IZUMO3: variants seen among roughly 807,000 people sequenced by gnomAD.
IZUMO3 encodes IZUMO family member 3.
A neutral mutation model predicts 28.4 loss-of-function variants in IZUMO3; 36 were observed. The observed-to-expected ratio is 1.27, with a 90% CI of 0.97 to 1.67. The LOEUF (loss-of-function observed/expected upper bound fraction) is 1.67, where lower values mean the gene tolerates loss of function less well. IZUMO3 is among the 40% of genes most tolerant of loss of function. The probability of loss-of-function intolerance (pLI) is 0.00; values close to 1 mark genes in which losing one functional copy is unlikely to be tolerated. For synonymous variants in IZUMO3, 126 were observed against 99.2 expected (o/e 1.27, Z -1.61); for missense variants, 387 against 278.5 (o/e 1.39, Z -2.77).
chr9:24,543,878 C>A (rs1819519607), intron 5 of IZUMO3, 124 bp from the exon 6 acceptor site: 3 of 672,720 alleles, frequency 4.5e-6, no homozygotes, highest in East Asian at 2.7e-5. Context: ...CATCACTGTT[C>A]CATGCTTATT....
Position 24,545,407 on chromosome 9 carries a change from A to T in IZUMO3, c.226+17T>A, listed in dbSNP as rs1257546444. On this transcript the variant is annotated intron_variant, in intron 1 of 6. Coordinates refer to ENST00000543880, the MANE Select transcript of IZUMO3 (RefSeq NM_001365008.2). ...CGTTTAAGCCCCTGGACTCTCAGGA[A>T]CTCAAGCTTCCCTCACCCAACACCC... 1 of 1,543,040 alleles carries T rather than the reference A, an allele frequency of 6.5e-7. No individual in the cohort carries two copies. The highest frequency in any genetic ancestry group is 2.0e-5 in the Admixed American group (1 of 50,962).
intron 5 of IZUMO3, 95 bp from the exon 6 acceptor site, chr9:24,543,849 T>C: frequency 1.2e-6 from 1 of 806,484 alleles, no homozygotes. Flanking sequence ...TTAACCTCAG[T>C]TTGCCCTGTT....
At chr9:24,543,963 C>A (rs537221730) in intron 5 of IZUMO3, among the ~76,000 whole-genome samples, 1 of 152,196 alleles carries the variant, frequency 6.6e-6, no homozygotes, top group East Asian at 1.9e-4. Flanking sequence ...TTCTTCCCAG[C>A]CTAATTTCTT....
intron 4 of IZUMO3, 70 bp downstream of exon 4, chr9:24,544,673 G>T: frequency 7.4e-7 from 1 of 1,342,778 alleles, no homozygotes; most frequent in Non-Finnish European, 1.0e-6. Context: ...GGAGAGATAG[G>T]GCCATATAGA....
rs1196330438 is a variant in IZUMO3, at chr9:24,543,267, C to G, written c.682G>C (p.Asp228His). 1 of 1,548,018 alleles carries G rather than the reference C, an allele frequency of 6.5e-7. No homozygotes were observed. The highest frequency in any genetic ancestry group is 2.0e-5 in the Admixed American group (1 of 50,820). The change falls in exon 7 of 7, where the codon GAT becomes CAT. Residue 228 changes from aspartate (D) to histidine (H), a missense_variant. By Grantham distance (81) the Asp-to-His change is moderately conservative. Transcript: ENST00000543880. ...CTAAAGTCTTTCTCCTCCTTCTCAT[C>G]TATCTTCCCCATTAATTCTTCAAGT... ...KKLEELMGKI[D>H]EKEEKDFRLR...
Position 24,545,515 on chromosome 9 carries a change from G to T in IZUMO3, c.135C>A (p.Pro45=). ...GCCGTTCAAGCAGCTGAGTTCGGCC[G>T]GGGACTTCTGAAGGTATCAGATTTC... ...LLGNLIPSEV[P]GRTQLLERQI... The change falls in exon 1 of 7, where the codon CCC becomes CCA. Residue 45 remains proline, a synonymous_variant. Transcript: ENST00000543880. The T allele has an allele frequency of 3.3e-6, 5 of 1,535,056 alleles. No homozygotes were observed. The highest frequency in any genetic ancestry group is 4.4e-6 in the Non-Finnish European group (5 of 1,146,630).
rs767397758 is a variant in IZUMO3, at chr9:24,544,200, C to T, written c.490+1G>A. 2 of 1,543,806 alleles carry T rather than the reference C, an allele frequency of 1.3e-6. No homozygotes were observed. Among genetic ancestry groups the T allele is most frequent in the African/African-American group, 1.4e-5 (1 of 73,026 alleles). On this transcript the variant is annotated splice_donor_variant, in intron 5 of 6. Coordinates refer to ENST00000543880, the MANE Select transcript of IZUMO3 (RefSeq NM_001365008.2). LOFTEE classifies it high-confidence loss of function. ...AAATTCCATACCATGATCTTTGTTA[C>T]CTCCACAATATTCTCCTTTGAAGCA...
Position 24,545,198 on chromosome 9 carries a change from A to G in IZUMO3, c.301+14T>C, listed in dbSNP as rs1176534732. ...TGAGCAATACAAACTTTTAACATTGAAACAGTACCTCACCTTTCCATGTTT... is the reference window on the plus strand; with the variant it reads ...TGAGCAATACAAACTTTTAACATTGGAACAGTACCTCACCTTTCCATGTTT... On this transcript the variant is annotated intron_variant, in intron 2 of 6. Transcript: ENST00000543880. 1 of 1,547,832 alleles carries G rather than the reference A, an allele frequency of 6.5e-7. No homozygotes were observed. The highest frequency in any genetic ancestry group is 8.7e-7 in the Non-Finnish European group (1 of 1,144,694).
rs1250096497 is a variant in IZUMO3, at chr9:24,544,222, A to C, written c.469T>G (p.Phe157Val). 1.9e-6 allele frequency: 3 copies of C among 1,549,730 alleles called. No homozygotes were observed. The change falls in exon 5 of 7, where the codon TTC becomes GTC. Residue 157 changes from phenylalanine to valine, a missense_variant. Transcript: ENST00000543880. ...WTCLRMTNRCFKGEYCGDEDP... is the reference protein window; with the variant it reads ...WTCLRMTNRCVKGEYCGDEDP... ...TTACCTCCACAATATTCTCCTTTGA[A>C]GCACCTGTTAGTCATGCGAAGACAC...
Position 24,545,861 on chromosome 9 carries a change from A to T in IZUMO3, c.-212T>A. On this transcript the variant is annotated 5_prime_UTR_variant, in exon 1 of 7. Coordinates refer to ENST00000543880, the MANE Select transcript of IZUMO3 (RefSeq NM_001365008.2). Reference sequence around the variant, plus strand: ...TGACTATTATCCTTCATTCTAGGAGAGGGAACTGCCAGCTGGGGAGCGGAT... The same window carrying T: ...TGACTATTATCCTTCATTCTAGGAGTGGGAACTGCCAGCTGGGGAGCGGAT... 1 of 1,523,090 alleles carries T rather than the reference A, an allele frequency of 6.6e-7. No individual in the cohort carries two copies. Among genetic ancestry groups the T allele is most frequent in the Non-Finnish European group, 8.8e-7 (1 of 1,130,518 alleles). 94.3% of individuals were successfully genotyped at this position (1,523,090 alleles called of 1,614,324 possible).
Position 24,545,411 on chromosome 9 carries a change from A to C in IZUMO3, c.226+13T>G, listed in dbSNP as rs1247150489. The C allele has an allele frequency of 4.5e-6, 7 of 1,542,482 alleles. No individual in the cohort carries two copies. The highest frequency in any genetic ancestry group is 4.4e-6 in the Non-Finnish European group (5 of 1,146,790). ...TAAGCCCCTGGACTCTCAGGAACTCAAGCTTCCCTCACCCAACACCCGAAG... is the reference window on the plus strand; with the variant it reads ...TAAGCCCCTGGACTCTCAGGAACTCCAGCTTCCCTCACCCAACACCCGAAG... On this transcript the variant is annotated intron_variant, in intron 1 of 6. Coordinates refer to ENST00000543880, the MANE Select transcript of IZUMO3 (RefSeq NM_001365008.2).
Position 24,543,315 on chromosome 9 carries a change from G to C in IZUMO3, c.634C>G (p.Leu212Val). ...AGTTTCTTCTCCACATATTCCTTTAGCGACCTTCGTATTGCCTTCATTTTC... is the reference window on the plus strand; with the variant it reads ...AGTTTCTTCTCCACATATTCCTTTACCGACCTTCGTATTGCCTTCATTTTC... ...RRKMKAIRRS[L>V]KEYVEKKLEE... The change falls in exon 7 of 7, where the codon CTA becomes GTA. Residue 212 changes from leucine to valine, a missense_variant. Physicochemically the swap from Leu to Val is conservative, Grantham distance 32 (BLOSUM62 1). Coordinates refer to ENST00000543880, the MANE Select transcript of IZUMO3 (RefSeq NM_001365008.2). 14 of 1,548,352 alleles carry C rather than the reference G, an allele frequency of 9.0e-6. No homozygotes were observed. Among genetic ancestry groups the C allele is most frequent in the Non-Finnish European group, 1.2e-5 (14 of 1,145,908 alleles).
At chr9:24,543,838 T>G in intron 5 of IZUMO3, 84 bp from the exon 6 acceptor site, 1 of 917,704 alleles carries the variant, frequency 1.1e-6, no homozygotes, top group Non-Finnish European at 1.7e-6. Context: ...AGAAAACTCT[T>G]TTAACCTCAG....
chr9:24,545,383 G>A (rs1355988227), intron 1 of IZUMO3, 41 bp downstream of exon 1: 5 of 1,546,512 alleles, frequency 3.2e-6, no homozygotes, highest in South Asian at 1.2e-5. Context: ...TCCCTTCTCC[G>A]TTTAAGCCCC....
chr9:24,545,220 G>GT lies in IZUMO3; in HGVS notation c.292dup (p.Thr98AsnfsTer32), dbSNP rs1314327938. 6.5e-7 allele frequency: 1 copy of GT among 1,549,794 alleles called. No individual in the cohort carries two copies. The highest frequency in any genetic ancestry group is 8.7e-7 in the Non-Finnish European group (1 of 1,146,354). On this transcript the variant is annotated frameshift_variant, in exon 2 of 7. Coordinates refer to ENST00000543880, the MANE Select transcript of IZUMO3 (RefSeq NM_001365008.2). LOFTEE classifies it high-confidence loss of function. ...TTGAAACAGTACCTCACCTTTCCAT[G>GT]TTTCATTGCCCAGTTTATAAAATTC...
intron 6 of IZUMO3, 58 bp downstream of exon 6, chr9:24,543,606 C>A: frequency 8.0e-7 from 1 of 1,253,938 alleles, no homozygotes; most frequent in Non-Finnish European, 1.1e-6. Context: ...GGAATTTGGG[C>A]AGTCTCTTGG....
In IZUMO3 at chr9:24,543,721, A is replaced by G. The variant is rs1224004598; in HGVS notation, c.524T>C (p.Ile175Thr). The stretch of plus-strand genomic sequence containing the variant: ...TGCCAGCAATATGAGAAATAGAGCA[A>G]TCTCTCGATTCTCAGCCTTTCTTGG... ...EDPRKAENREIALFLILLATA... is the reference protein window; with the variant it reads ...EDPRKAENRETALFLILLATA... The change falls in exon 6 of 7, where the codon ATT (isoleucine) becomes ACT (threonine). Residue 175 changes from isoleucine (I) to threonine (T), a missense_variant. Transcript: ENST00000543880. The G allele has an allele frequency of 1.7e-5, 26 of 1,549,406 alleles. No homozygotes were observed. The highest frequency in any genetic ancestry group is 2.2e-5 in the Non-Finnish European group (25 of 1,146,276).
In IZUMO3 at chr9:24,544,726, A is replaced by C. The variant is rs964654646; in HGVS notation, c.409+17T>G. The C allele has an allele frequency of 2.6e-6, 4 of 1,549,362 alleles. No homozygotes were observed. The highest frequency in any genetic ancestry group is 3.5e-6 in the Non-Finnish European group (4 of 1,145,934). On this transcript the variant is annotated intron_variant, in intron 4 of 6. Coordinates refer to ENST00000543880, the MANE Select transcript of IZUMO3 (RefSeq NM_001365008.2). ...ATATGGGCTGAAACCTCAAGGCGTCACATGTACTGTACTCACTGCAATCTT... is the reference window on the plus strand; with the variant it reads ...ATATGGGCTGAAACCTCAAGGCGTCCCATGTACTGTACTCACTGCAATCTT...
rs1819531784 is a variant in IZUMO3, at chr9:24,544,366, T to C, written c.410-85A>G. 5.3e-6 allele frequency: 5 copies of C among 941,350 alleles called. No homozygotes were observed. In the Admixed American group the frequency reaches 1.0e-4, roughly 19 times the overall value. 58.3% of individuals were successfully genotyped at this position (941,350 alleles called of 1,614,324 possible). A position where few individuals can be genotyped will look rare whatever the true frequency, so the allele number is the denominator to read the frequency against. On this transcript the variant is annotated intron_variant, in intron 4 of 6. Coordinates refer to ENST00000543880, the MANE Select transcript of IZUMO3 (RefSeq NM_001365008.2). ...CATACATCAAGTGTGGAGGATTTGA[T>C]CTCAAGCATTCCCAGGACTCTCAAG...
Sources: gnomAD v4.1 joint callset for allele counts (sites outside exome capture counted in the v4.1 genomes callset) on GRCh38, gnomAD v4.1.1 for gene constraint, MANE v1.5 for transcripts, NCBI Gene and HGNC (gene_info 2026-07-23, HGNC 2026-07-21) for gene names.